The following ARHGEF26 variants were observed in gnomAD, a reference collection of about 807,000 sequenced individuals.
The protein encoded by ARHGEF26 is Rho guanine nucleotide exchange factor 26.
Under a neutral mutation model 89.4 loss-of-function variants are expected in ARHGEF26, and 59 were observed. The observed-to-expected ratio is 0.66, with a 90% CI of 0.54 to 0.82. ARHGEF26 has a LOEUF of 0.82. ARHGEF26 is among the 40% of genes least tolerant of loss of function. The pLI is 0.00. For synonymous variants in ARHGEF26, 500 were observed against 428.4 expected (o/e 1.17, Z -2.06); for missense variants, 1,234 against 1,085.6 (o/e 1.14, Z -1.92).
intron 9 of ARHGEF26, among the ~76,000 whole-genome samples, chr3:154,208,469 A>G (rs1281144846): frequency 3.3e-5 from 5 of 151,964 alleles, no homozygotes; most frequent in African/African-American, 1.2e-4. Flanking sequence ...TTGTACTTGG[A>G]TACTTATATC....
intron 4 of ARHGEF26, among the ~76,000 whole-genome samples, chr3:154,147,936 C>G (rs754443093): frequency 6.6e-6 from 1 of 152,174 alleles, no homozygotes; most frequent in African/African-American, 2.4e-5. Flanking sequence ...ATCATTCTCT[C>G]CCCTCTTGGG....
chr3:154,121,817 C>CGGGT, intron 1 of ARHGEF26, 125 bp from the exon 2 acceptor site: 1 of 826,664 alleles, frequency 1.2e-6, no homozygotes, highest in Admixed American at 3.1e-5. Context: ...CGAGAAAGGG[C>CGGGT]GGGTAAGTGC....
intron 13 of ARHGEF26, 60 bp from the exon 14 acceptor site, chr3:154,254,660 T>G: frequency 2.3e-6 from 3 of 1,307,872 alleles, no homozygotes; most frequent in Non-Finnish European, 3.3e-6. Context: ...TGTACATTAT[T>G]GGATTGCACA....
In ARHGEF26 at chr3:154,146,721, T is replaced by C. The variant is rs148437843; in HGVS notation, c.1270-2668T>C. Among the ~76,000 whole-genome samples, 776 of 152,328 alleles carry C rather than the reference T, an allele frequency of 5.1e-3. 1 individual carries two copies. The highest frequency in any genetic ancestry group is 7.4e-3 in the Non-Finnish European group (504 of 68,038). ...ATTCACTATCTTAATAAGGCACAGATGTATGCTTATATTTTTAACATGTCA... is the reference window on the plus strand; with the variant it reads ...ATTCACTATCTTAATAAGGCACAGACGTATGCTTATATTTTTAACATGTCA... On this transcript the variant is annotated intron_variant, in intron 4 of 14. Transcript: ENST00000465093.
intron 6 of ARHGEF26, among the ~76,000 whole-genome samples, chr3:154,164,770 A>G (rs547017988): frequency 1.3e-5 from 2 of 152,254 alleles, no homozygotes; most frequent in African/African-American, 4.8e-5. Context: ...AGTCTTGTAT[A>G]TATTTGATAC....
At chr3:154,177,628 C>T (rs1712907762) in intron 6 of ARHGEF26, among the ~76,000 whole-genome samples, 1 of 152,164 alleles carries the variant, frequency 6.6e-6, no homozygotes, top group African/African-American at 2.4e-5. Context: ...TGTGTTCCAT[C>T]AGGCCTGGAA....
intron 12 of ARHGEF26, among the ~76,000 whole-genome samples, chr3:154,251,555 T>G (rs144066104): frequency 2.6e-5 from 4 of 152,320 alleles, no homozygotes; most frequent in African/African-American, 9.6e-5. Flanking sequence ...TTTATGAGGC[T>G]TACTGTTGAC....
rs941282543 is a variant in ARHGEF26 at position 154,166,265 on chromosome 3, T to G, written c.1487+13333T>G. On this transcript the variant is annotated intron_variant, in intron 6 of 14. Coordinates refer to ENST00000465093, the MANE Select transcript of ARHGEF26 (RefSeq NM_015595.4). ...CGGGGTTTCACCATGTTAGCCAGAA[T>G]GGTCTCGATCTCCTGACCTCATGAT... Among the ~76,000 whole-genome samples the G allele has an allele frequency of 9.2e-5, 14 of 152,266 alleles. No individual in the cohort carries two copies. In the East Asian group the frequency reaches 2.5e-3, roughly 27 times the overall value.
intron 6 of ARHGEF26, among the ~76,000 whole-genome samples, chr3:154,186,886 CTT>C (rs201150057): frequency 3.7e-5 from 3 of 82,040 alleles, no homozygotes; most frequent in African/African-American, 9.5e-5. Flanking sequence ...TTATTTCAGA[CTT>C]TTTTTTTTTT....
Position 154,219,808 on chromosome 3 carries a change from G to T in ARHGEF26, c.1935+1850G>T, listed in dbSNP as rs563115253. ...GGGCACCTGTAGTCCCAGCTACTCG[G>T]GAGGCTGAGGCAGGAGAATGGCATG... On this transcript the variant is annotated intron_variant, in intron 10 of 14. Coordinates refer to ENST00000465093, the MANE Select transcript of ARHGEF26 (RefSeq NM_015595.4). 4.6e-5 allele frequency among the ~76,000 whole-genome samples: 7 copies of T among 152,068 alleles called. No individual in the cohort carries two copies. The East Asian group carries it at 1.4e-3, about 29-fold the overall frequency.
At chr3:154,224,332 G>GT in intron 10 of ARHGEF26, among the ~76,000 whole-genome samples, 1 of 152,174 alleles carries the variant, frequency 6.6e-6, no homozygotes, top group Middle Eastern at 3.2e-3. Flanking sequence ...AATTTTAGGT[G>GT]TTTATAGGTA....
At chr3:154,195,438 G>A (rs1714232133) in intron 9 of ARHGEF26, among the ~76,000 whole-genome samples, 1 of 152,102 alleles carries the variant, frequency 6.6e-6, no homozygotes, top group East Asian at 1.9e-4. Context: ...GTGGTGATGG[G>A]GCCAGTTCTG....
chr3:154,234,982 T>C (rs567872405), intron 11 of ARHGEF26, among the ~76,000 whole-genome samples: 9 of 152,278 alleles, frequency 5.9e-5, no homozygotes, highest in African/African-American at 2.2e-4. Flanking sequence ...CAGGATGGTC[T>C]CGATCTCCTG....
chr3:154,234,975 G>A (rs1490013621), intron 11 of ARHGEF26, among the ~76,000 whole-genome samples: 1 of 151,978 alleles, frequency 6.6e-6, no homozygotes, highest in Non-Finnish European at 1.5e-5. Context: ...TGTTATCCAG[G>A]ATGGTCTCGA....
intron 6 of ARHGEF26, among the ~76,000 whole-genome samples, chr3:154,155,175 A>T (rs914202368): frequency 2.0e-5 from 3 of 152,038 alleles, no homozygotes; most frequent in Non-Finnish European, 2.9e-5. Context: ...CATTTCTCTT[A>T]TAAGCTTTTC....
chr3:154,164,321 T>G (rs1711858177), intron 6 of ARHGEF26, among the ~76,000 whole-genome samples: 1 of 152,128 alleles, frequency 6.6e-6, no homozygotes, highest in Admixed American at 6.6e-5. Context: ...AGTATATTAT[T>G]ACCATTCTCT....
chr3:154,208,106 G>A (rs1044551886), intron 9 of ARHGEF26, among the ~76,000 whole-genome samples: 1 of 152,166 alleles, frequency 6.6e-6, no homozygotes, highest in Non-Finnish European at 1.5e-5. Flanking sequence ...ATGGTGGGTG[G>A]GAGGAGGGAG....
intron 6 of ARHGEF26, 96 bp from the exon 7 acceptor site, chr3:154,187,589 T>G: frequency 8.8e-7 from 1 of 1,134,096 alleles, no homozygotes. Context: ...CTGTTGAATT[T>G]TCAAACCCCG....
chr3:154,143,936 A>C (rs1243949022), intron 4 of ARHGEF26, among the ~76,000 whole-genome samples: 2 of 152,202 alleles, frequency 1.3e-5, no homozygotes, highest in Admixed American at 6.5e-5. Context: ...AGAATACATA[A>C]ATTTTAGTCC....
Sources: allele counts gnomAD v4.1 joint callset (sites outside exome capture counted in the v4.1 genomes callset), GRCh38; gene constraint gnomAD v4.1.1; transcripts MANE v1.5; gene names NCBI Gene and HGNC (gene_info 2026-07-23, HGNC 2026-07-21).